Variants in CNNM2 observed in about 807,000 individuals in gnomAD.
CNNM2 encodes cyclin and CBS domain divalent metal cation transport mediator 2, also known as metal transporter CNNM2.
CNNM2 carries 12 observed loss-of-function variants against 66.9 expected under a neutral mutation model. The observed-to-expected ratio is 0.18, with a 90% confidence interval of 0.11 to 0.29. CNNM2 has a LOEUF of 0.29. Ranked by LOEUF, CNNM2 falls within the 10% of genes least tolerant of loss-of-function variation. The probability of loss-of-function intolerance (pLI) is 1.00; values close to 1 mark genes in which losing one functional copy is unlikely to be tolerated. For missense variants in CNNM2, 705 were observed against 1,167.7 expected (o/e 0.60, Z 5.77); for synonymous variants, 557 against 501.8 (o/e 1.11, Z -1.47).
chr10:102,974,233 A>G (rs1275136055), intron 1 of CNNM2, among the ~76,000 whole-genome samples: 1 of 152,190 alleles, frequency 6.6e-6, no homozygotes, highest in Non-Finnish European at 1.5e-5. Context: ...TTTACCCTAA[A>G]CATAAGAGAG....
intron 1 of CNNM2, among the ~76,000 whole-genome samples, chr10:102,928,054 A>G (rs202142362): frequency 6.6e-6 from 1 of 152,240 alleles, no homozygotes; most frequent in East Asian, 1.9e-4. Context: ...GTTTTGGACA[A>G]GTAACTTATC....
chr10:103,070,701 G>A (rs751744182), intron 5 of CNNM2, among the ~76,000 whole-genome samples: 1 of 152,190 alleles, frequency 6.6e-6, no homozygotes, highest in Non-Finnish European at 1.5e-5. Context: ...TAAAAAGGAA[G>A]GGGAAATCAC....
intron 1 of CNNM2, among the ~76,000 whole-genome samples, chr10:102,934,979 T>C (rs1245715069): frequency 6.6e-6 from 1 of 150,898 alleles, no homozygotes; most frequent in Non-Finnish European, 1.5e-5. Context: ...ACCAAGATGG[T>C]GAAACCCCGA....
At chr10:102,962,251 G>A (rs569817281) in intron 1 of CNNM2, among the ~76,000 whole-genome samples, 5 of 152,278 alleles carry the variant, frequency 3.3e-5, no homozygotes, top group Admixed American at 3.3e-4. Flanking sequence ...GTTGATTTGT[G>A]CAGCAAACCA....
intron 1 of CNNM2, among the ~76,000 whole-genome samples, chr10:103,005,696 A>T (rs531173457): frequency 6.6e-6 from 1 of 152,192 alleles, no homozygotes; most frequent in Non-Finnish European, 1.5e-5. Context: ...ATGGAACAAT[A>T]TTGGTAAATT....
chr10:103,014,243 CG>C (rs1345598469), intron 1 of CNNM2, among the ~76,000 whole-genome samples: 6 of 152,152 alleles, frequency 3.9e-5, no homozygotes, highest in Non-Finnish European at 2.9e-5. Context: ...AAAGACAAGA[CG>C]TTGTCCTTGC....
intron 1 of CNNM2, among the ~76,000 whole-genome samples, chr10:103,026,817 AGAG>A (rs1189084027): frequency 1.3e-5 from 2 of 152,146 alleles, no homozygotes; most frequent in African/African-American, 4.8e-5. Flanking sequence ...AGTTAAGAGA[AGAG>A]TCTAACATGT....
intron 1 of CNNM2, among the ~76,000 whole-genome samples, chr10:102,922,304 A>AT (rs1326157836): frequency 2.0e-5 from 3 of 149,830 alleles, no homozygotes; most frequent in Non-Finnish European, 4.5e-5. Context: ...GGAATAATTG[A>AT]TTTTTTCACC....
At chr10:103,022,949 C>T (rs1383904246) in intron 1 of CNNM2, among the ~76,000 whole-genome samples, 2 of 152,068 alleles carry the variant, frequency 1.3e-5, no homozygotes, top group African/African-American at 4.8e-5. Context: ...GTTGCCCAGG[C>T]TGGAGTGCAG....
chr10:103,027,542 A>C (rs574866929), intron 1 of CNNM2: 49 of 152,330 alleles, frequency 3.2e-4, no homozygotes, highest in African/African-American at 1.2e-3. Flanking sequence ...CTGAGCAAAC[A>C]ATTTGTAGAG....
intron 1 of CNNM2, among the ~76,000 whole-genome samples, chr10:102,964,354 G>A (rs1290974832): frequency 1.3e-5 from 2 of 151,826 alleles, no homozygotes; most frequent in Non-Finnish European, 2.9e-5. Context: ...TCAGGCTCCC[G>A]AGTAGCTGGG....
intron 1 of CNNM2, among the ~76,000 whole-genome samples, chr10:103,031,056 T>C (rs1268574747): frequency 6.6e-6 from 1 of 152,192 alleles, no homozygotes; most frequent in Admixed American, 6.5e-5. Context: ...TTTCAGTCTG[T>C]GCTTTATGCT....
chr10:103,034,987 A>AAAAAT lies in CNNM2; in HGVS notation c.1622-14717_1622-14716insATAAA, dbSNP rs1554902000. 5.5e-4 allele frequency among the ~76,000 whole-genome samples: 81 copies of AAAAAT among 147,706 alleles called. 7 individuals carry two copies. In the South Asian group the frequency reaches 7.0e-3, roughly 13 times the overall value. ...GACTCCGTCTCAAAAAAAAAAAAAA[A>AAAAAT]AAATCTCCTACTATTGGCTGGGCAT... is the stretch of plus-strand genomic sequence containing the variant. On this transcript the variant is annotated intron_variant, in intron 1 of 7. Coordinates refer to ENST00000369878, the MANE Select transcript of CNNM2 (RefSeq NM_017649.5).
chr10:102,935,604 A>ATTT (rs773569776), intron 1 of CNNM2, among the ~76,000 whole-genome samples: 6 of 140,758 alleles, frequency 4.3e-5, no homozygotes, highest in Non-Finnish European at 6.2e-5. Flanking sequence ...TTTAAAAAAA[A>ATTT]ATTTTTTTTT....
At chr10:103,063,705 C>T (rs573136779) in intron 4 of CNNM2, among the ~76,000 whole-genome samples, 5 of 152,270 alleles carry the variant, frequency 3.3e-5, no homozygotes, top group Admixed American at 1.3e-4. Flanking sequence ...CTTCCAAGTT[C>T]GTCAGTTTAT....
At chr10:103,028,353 G>A (rs1236169220) in intron 1 of CNNM2, among the ~76,000 whole-genome samples, 2 of 152,084 alleles carry the variant, frequency 1.3e-5, no homozygotes, top group Non-Finnish European at 2.9e-5. Flanking sequence ...TTGTATTTGA[G>A]TATCAGAGTC....
intron 1 of CNNM2, among the ~76,000 whole-genome samples, chr10:102,945,908 G>A (rs1481814077): frequency 4.6e-5 from 7 of 151,862 alleles, no homozygotes; most frequent in African/African-American, 1.7e-4. Flanking sequence ...ACTTGGAGGT[G>A]CTCAGTCGAT....
At chr10:102,998,687 A>AT in intron 1 of CNNM2, among the ~76,000 whole-genome samples, 1 of 152,090 alleles carries the variant, frequency 6.6e-6, no homozygotes, top group Non-Finnish European at 1.5e-5. Flanking sequence ...CTACAAAACT[A>AT]TTAGGTTTAG....
At chr10:102,948,261 T>A (rs184742034) in intron 1 of CNNM2, among the ~76,000 whole-genome samples, 1 of 152,260 alleles carries the variant, frequency 6.6e-6, no homozygotes, top group African/African-American at 2.4e-5. Flanking sequence ...AATAAACTCA[T>A]CTGCATGTGC....
Sources: gnomAD v4.1 joint callset for allele counts (sites outside exome capture counted in the v4.1 genomes callset) on GRCh38, gnomAD v4.1.1 for gene constraint, MANE v1.5 for transcripts, NCBI Gene and HGNC (gene_info 2026-07-23, HGNC 2026-07-21) for gene names.